The following DOCK8 variants were observed in gnomAD, a reference collection of about 807,000 sequenced individuals.
DOCK8 encodes dedicator of cytokinesis protein 8.
A neutral mutation model predicts 245.6 loss-of-function variants in DOCK8; 141 were observed. The observed-to-expected ratio is 0.57, with a 90% CI of 0.50 to 0.66. DOCK8 has a LOEUF of 0.66. Among genes scored for constraint, DOCK8 ranks in the 30% least tolerant of loss-of-function variants. DOCK8 has a pLI of 0.00. For synonymous variants in DOCK8, 1,168 were observed against 970.2 expected (o/e 1.20, Z -3.79); for missense variants, 2,965 against 2,603.4 (o/e 1.14, Z -3.02).
intron 1 of DOCK8, among the ~76,000 whole-genome samples, chr9:263,655 C>G (rs143471247): frequency 3.9e-5 from 6 of 152,270 alleles, no homozygotes; most frequent in African/African-American, 1.4e-4. Flanking sequence ...GATAAATTCT[C>G]TCCATTTTTG....
At chr9:326,201 C>A (rs186580807) in intron 8 of DOCK8, among the ~76,000 whole-genome samples, 2 of 152,168 alleles carry the variant, frequency 1.3e-5, no homozygotes, top group Non-Finnish European at 2.9e-5. Context: ...TGACCAAGAC[C>A]TCTCGTGTGT....
chr9:242,997 A>G (rs182175207), intron 1 of DOCK8, among the ~76,000 whole-genome samples: 7 of 152,260 alleles, frequency 4.6e-5, no homozygotes, highest in South Asian at 4.1e-4. Context: ...AGTTTTTTCT[A>G]TCTTTTCATT....
chr9:350,888 C>T (rs77912000), intron 14 of DOCK8, among the ~76,000 whole-genome samples: 23 of 152,168 alleles, frequency 1.5e-4, no homozygotes, highest in Admixed American at 2.6e-4. Flanking sequence ...TGTGGACCCC[C>T]GTCCTGTTTG....
intron 24 of DOCK8, among the ~76,000 whole-genome samples, chr9:391,843 TTA>T (rs1304732483): frequency 2.9e-5 from 4 of 135,960 alleles, no homozygotes; most frequent in African/African-American, 8.8e-5. Context: ...TTTTTTTTTT[TTA>T]AAGAGAGTCT....
At chr9:369,974 G>A in intron 15 of DOCK8, 1 of 505,456 alleles carries the variant, frequency 2.0e-6, no homozygotes. Flanking sequence ...GCTAATTTTT[G>A]TATTTTTTTG....
intron 23 of DOCK8, among the ~76,000 whole-genome samples, chr9:389,254 C>T (rs1247879479): frequency 6.6e-6 from 1 of 152,136 alleles, no homozygotes; most frequent in Non-Finnish European, 1.5e-5. Context: ...AAATGATTGT[C>T]AGGAATATGA....
intron 4 of DOCK8, 120 bp from the exon 5 acceptor site, chr9:304,461 C>G: frequency 7.4e-7 from 1 of 1,343,640 alleles, no homozygotes; most frequent in Non-Finnish European, 1.0e-6. Context: ...AATTGGTTCC[C>G]TCTTTGAAAG....
chr9:399,315 A>G lies in DOCK8; in HGVS notation c.3234+56A>G, dbSNP rs542594306. 3.4e-6 allele frequency: 4 copies of G among 1,190,334 alleles called. No homozygotes were observed. In the East Asian group the frequency reaches 1.2e-4, roughly 36 times the overall value. The allele number at this position is 1,190,334 out of a possible 1,614,324, so 73.7% of individuals were successfully genotyped here. On this transcript the variant is annotated intron_variant, in intron 26 of 47. Coordinates refer to ENST00000432829, the MANE Select transcript of DOCK8 (RefSeq NM_203447.4). ...CGAGCCACTTGGTTCCTTCTCATATAATGTGATGTTCGTTGCCATGGCACG... is the reference window on the plus strand; with the variant it reads ...CGAGCCACTTGGTTCCTTCTCATATGATGTGATGTTCGTTGCCATGGCACG...
chr9:215,162 C>T (rs1299921839), intron 1 of DOCK8, 133 bp downstream of exon 1: 2 of 1,492,576 alleles, frequency 1.3e-6, no homozygotes, highest in Non-Finnish European at 8.9e-7. Context: ...AGACCTGGGG[C>T]GCCCGGTTCC....
At chr9:394,214 C>T (rs1028618946) in intron 24 of DOCK8, among the ~76,000 whole-genome samples, 4 of 151,306 alleles carry the variant, frequency 2.6e-5, no homozygotes, top group Non-Finnish European at 4.4e-5. Context: ...TGATGTGGTC[C>T]CTCGAGACCC....
At position 325,993 on chromosome 9, in the gene DOCK8, G is replaced by A. The variant is rs7019093; in HGVS notation, c.894+256G>A. ...TGGAATAGAGAAAGAATGAAATAGC[G>A]CATGGGGTTATGTATAAAACAAACC... On this transcript the variant is annotated intron_variant, in intron 8 of 47. Coordinates refer to ENST00000432829, the MANE Select transcript of DOCK8 (RefSeq NM_203447.4). Among the ~76,000 whole-genome samples the A allele has an allele frequency of 0.68, 102,975 of 152,128 alleles. 35,000 individuals carry two copies. Among genetic ancestry groups the A allele is most frequent in the South Asian group, 0.75 (3,615 of 4,828 alleles).
At chr9:399,840 A>G (rs1384088655) in intron 26 of DOCK8, among the ~76,000 whole-genome samples, 2 of 151,966 alleles carry the variant, frequency 1.3e-5, no homozygotes, top group Non-Finnish European at 1.5e-5. Context: ...CAATAGTAAT[A>G]TAAATAGCAG....
intron 1 of DOCK8, among the ~76,000 whole-genome samples, chr9:231,780 A>G (rs1369882515): frequency 1.3e-5 from 2 of 152,172 alleles, no homozygotes; most frequent in Non-Finnish European, 2.9e-5. Context: ...GTTCCTTATC[A>G]TCTTGAGGAG....
In DOCK8 at chr9:434,818, G is replaced by A. The variant is rs1564065424; in HGVS notation, c.4922G>A (p.Arg1641Gln). Reference protein sequence around the residue: ...AKSYQASPDLRLTWLQNMAEK... With the variant: ...AKSYQASPDLQLTWLQNMAEK... ...AGTTACCAGGCATCTCCTGATCTGC[G>A]GCTGACCTGGCTCCAGAACATGGCA... The change falls in exon 39 of 48, where the codon CGG becomes CAG. Residue 1641 changes from arginine (R) to glutamine (Q), a missense_variant. Around this residue, in one of 3 missense-constraint regions of DOCK8, gnomAD observed 2,825 missense variants for 2,453.5 expected, o/e 1.15. Coordinates refer to ENST00000432829, the MANE Select transcript of DOCK8 (RefSeq NM_203447.4). 3 of 1,613,984 alleles carry A rather than the reference G, an allele frequency of 1.9e-6. No individual in the cohort carries two copies. Among genetic ancestry groups the A allele is most frequent in the Middle Eastern group, 1.6e-4 (1 of 6,074 alleles).
chr9:385,248 G>A (rs372566488), intron 22 of DOCK8, among the ~76,000 whole-genome samples: 1 of 152,204 alleles, frequency 6.6e-6, no homozygotes, highest in East Asian at 1.9e-4. Flanking sequence ...TAGGACATGA[G>A]TGCAAAAACT....
intron 46 of DOCK8, among the ~76,000 whole-genome samples, chr9:462,709 C>G (rs1013790663): frequency 5.3e-5 from 8 of 152,218 alleles, no homozygotes; most frequent in Non-Finnish European, 1.0e-4. Flanking sequence ...TGGTGTTCCC[C>G]TTTCTCTTTC....
chr9:417,790 GT>G (rs1293353093), intron 29 of DOCK8, among the ~76,000 whole-genome samples: 1 of 152,174 alleles, frequency 6.6e-6, no homozygotes, highest in African/African-American at 2.4e-5. Context: ...AGAGAATGAA[GT>G]TTAAAAAATT....
At chr9:315,639 T>G (rs1159466553) in intron 6 of DOCK8, among the ~76,000 whole-genome samples, 4 of 152,222 alleles carry the variant, frequency 2.6e-5, no homozygotes, top group Non-Finnish European at 1.5e-5. Context: ...GTTGCTTCTA[T>G]GTAATCCAGT....
chr9:324,538 G>A (rs933056477), intron 7 of DOCK8, among the ~76,000 whole-genome samples: 4 of 152,022 alleles, frequency 2.6e-5, no homozygotes, highest in South Asian at 2.1e-4. Flanking sequence ...GGGATTCACC[G>A]TTTCGAGGGG....
Sources: gnomAD v4.1 joint callset for allele counts (sites outside exome capture counted in the v4.1 genomes callset) on GRCh38, gnomAD v4.1.1 for gene constraint, gnomAD v4.1.1 regional missense constraint, MANE v1.5 for transcripts, NCBI Gene and HGNC (gene_info 2026-07-23, HGNC 2026-07-21) for gene names.